The following CLIC5 variants were observed in gnomAD, a reference collection of about 807,000 sequenced individuals.
The protein encoded by CLIC5 is CLIC family member 5, also known as chloride intracellular channel protein 5.
CLIC5 carries 20 observed loss-of-function variants against 24.7 expected under a neutral mutation model. That is an observed-to-expected ratio of 0.81 (90% CI 0.57 to 1.18). The LOEUF (loss-of-function observed/expected upper bound fraction) is 1.18. Ranked by LOEUF, CLIC5 falls within the 50% of genes most tolerant of loss-of-function variation. The pLI is 0.00. For missense variants in CLIC5, 341 were observed against 326.1 expected (o/e 1.05, Z -0.35); for synonymous variants, 159 against 135.6 (o/e 1.17, Z -1.20).
intron 3 of CLIC5, among the ~76,000 whole-genome samples, chr6:45,945,397 G>A (rs550678537): frequency 1.3e-5 from 2 of 152,280 alleles, no homozygotes; most frequent in East Asian, 3.9e-4. Context: ...TTGGGATCAC[G>A]TGTGGATTCT....
intron 4 of CLIC5, among the ~76,000 whole-genome samples, chr6:45,931,934 A>T (rs1720825725): frequency 6.6e-6 from 1 of 152,122 alleles, no homozygotes; most frequent in South Asian, 2.1e-4. Flanking sequence ...TGCTGGGATT[A>T]TAGGTGTGTG....
At chr6:46,025,159 C>T (rs1478010696) in intron 1 of CLIC5, among the ~76,000 whole-genome samples, 1 of 152,062 alleles carries the variant, frequency 6.6e-6, no homozygotes, top group Non-Finnish European at 1.5e-5. Context: ...CTCTCGGAGC[C>T]TCAGTTCCTT....
At chr6:45,926,717 C>T (rs181986004) in intron 4 of CLIC5, among the ~76,000 whole-genome samples, 30 of 152,218 alleles carry the variant, frequency 2.0e-4, no homozygotes, top group African/African-American at 7.0e-4. Context: ...ACTTTTAACA[C>T]CAAATAGAAT....
intron 1 of CLIC5, among the ~76,000 whole-genome samples, chr6:46,069,164 G>GA (rs1340641188): frequency 2.0e-5 from 3 of 152,144 alleles, no homozygotes; most frequent in African/African-American, 7.2e-5. Flanking sequence ...GACACAGGGT[G>GA]AATGAGGAGT....
At chr6:45,884,973 T>TGTTTTTTTTTTCTTTTTTTTTTTTA (rs1561910232) in intron 6 of CLIC5, among the ~76,000 whole-genome samples, 1 of 151,186 alleles carries the variant, frequency 6.6e-6, no homozygotes, top group African/African-American at 2.4e-5. Flanking sequence ...AAATAGGTTT[T>TGTTTTTTTTTTCTTTTTTTTTTTTA]TTAAAAAATC....
At chr6:45,936,413 C>T (rs151110349) in intron 4 of CLIC5, among the ~76,000 whole-genome samples, 3,208 of 152,018 alleles carry the variant, frequency 0.021, 122 homozygotes, top group African/African-American at 0.074. Flanking sequence ...TCATGTTGGT[C>T]AGGCTGGTCT....
intron 1 of CLIC5, among the ~76,000 whole-genome samples, chr6:46,035,234 T>C (rs1767627423): frequency 6.6e-6 from 1 of 152,156 alleles, no homozygotes; most frequent in Non-Finnish European, 1.5e-5. Context: ...AGCCACTGTT[T>C]TATATTGTCT....
chr6:46,015,059 T>C (rs970253047), intron 1 of CLIC5, among the ~76,000 whole-genome samples: 4 of 152,230 alleles, frequency 2.6e-5, no homozygotes, highest in Non-Finnish European at 5.9e-5. Flanking sequence ...CCAAAGATCA[T>C]TGTGTCAATA....
chr6:46,129,521 G>A, the CLIC5 span: 2 of 152,206 alleles, frequency 1.3e-5, no homozygotes, highest in African/African-American at 4.8e-5. Flanking sequence ...CCCCGGTAAA[G>A]GTGCTCGCTT....
chr6:45,976,004 T>A (rs1008129579), intron 1 of CLIC5, among the ~76,000 whole-genome samples: 1 of 152,154 alleles, frequency 6.6e-6, no homozygotes, highest in African/African-American at 2.4e-5. Context: ...CCTGGGTTCC[T>A]GTGCTGATGC....
chr6:46,023,784 A>C (rs1747391344), intron 1 of CLIC5, among the ~76,000 whole-genome samples: 1 of 152,160 alleles, frequency 6.6e-6, no homozygotes, highest in Non-Finnish European at 1.5e-5. Flanking sequence ...TTAATGGTCA[A>C]GCTCCTACTT....
the CLIC5 span, among the ~76,000 whole-genome samples, chr6:46,125,444 G>C: frequency 6.6e-6 from 1 of 152,108 alleles, no homozygotes; most frequent in South Asian, 2.1e-4. Context: ...GAGGAGAGGG[G>C]AGGGATAGCA....
At chr6:45,950,502 C>T (rs966245229) in intron 2 of CLIC5, among the ~76,000 whole-genome samples, 15 of 152,108 alleles carry the variant, frequency 9.9e-5, no homozygotes, top group Admixed American at 2.6e-4. Context: ...CCCAGGAGTT[C>T]GAGGCAGTTG....
intron 3 of CLIC5, among the ~76,000 whole-genome samples, chr6:45,946,492 C>T (rs1343324945): frequency 6.6e-6 from 1 of 152,192 alleles, no homozygotes; most frequent in Non-Finnish European, 1.5e-5. Context: ...AATGTGTTGG[C>T]TTTTGGCAGC....
At chr6:46,111,816 T>TG in the CLIC5 span, among the ~76,000 whole-genome samples, 1 of 152,114 alleles carries the variant, frequency 6.6e-6, no homozygotes, top group Admixed American at 6.5e-5. Flanking sequence ...GATCGAATCA[T>TG]GGGGGTGGGT....
intron 1 of CLIC5, among the ~76,000 whole-genome samples, chr6:46,051,335 A>C (rs1768096805): frequency 1.3e-5 from 2 of 152,298 alleles, no homozygotes; most frequent in East Asian, 3.9e-4. Flanking sequence ...TGGGGGGCAA[A>C]TTACTTAACC....
chr6:45,937,245 T>C lies in CLIC5; in HGVS notation c.406+4302A>G, dbSNP rs1581764316. 1.3e-5 allele frequency among the ~76,000 whole-genome samples: 2 copies of C among 152,198 alleles called. 1 individual carries two copies. The highest frequency in any genetic ancestry group is 4.1e-4 in the South Asian group (2 of 4,830). ...CAAGAGCTGAAGCAGCAGTTTCTGA[T>C]GTCATTATTCATCTTAGTCCCATTT... is the stretch of plus-strand genomic sequence containing the variant. On this transcript the variant is annotated intron_variant, in intron 4 of 5. Coordinates refer to ENST00000339561, the MANE Select transcript of CLIC5 (RefSeq NM_016929.5).
Position 46,077,645 on chromosome 6 carries a change from C to T in CLIC5, c.540+2058G>A, listed in dbSNP as rs116489766. Among the ~76,000 whole-genome samples, 402 of 152,150 alleles carry T rather than the reference C, an allele frequency of 2.6e-3. 2 individuals are homozygous for T. The highest frequency in any genetic ancestry group is 9.3e-3 in the African/African-American group (386 of 41,492). Reference sequence around the variant, plus strand: ...GCTAGGAAGCAGGGATTATAACTGCCGCTCTTTTTATTACTGAATATCCTT... The same window carrying T: ...GCTAGGAAGCAGGGATTATAACTGCTGCTCTTTTTATTACTGAATATCCTT... On this transcript the variant is annotated intron_variant, in intron 1 of 5. Coordinates refer to the CLIC5 transcript ENST00000185206.
At chr6:46,011,783 T>C (rs986710266) in intron 1 of CLIC5, among the ~76,000 whole-genome samples, 2 of 152,220 alleles carry the variant, frequency 1.3e-5, no homozygotes, top group African/African-American at 4.8e-5. Flanking sequence ...TTTCTTTCAA[T>C]AAACCACACT....
Sources: gnomAD v4.1 joint callset for allele counts (sites outside exome capture counted in the v4.1 genomes callset) on GRCh38, gnomAD v4.1.1 for gene constraint, MANE v1.5 for transcripts, NCBI Gene and HGNC (gene_info 2026-07-23, HGNC 2026-07-21) for gene names.